The following IFT52 variants were observed in gnomAD, a reference collection of about 807,000 sequenced individuals.
IFT52 encodes intraflagellar transport protein 52 homolog.
Under a neutral mutation model 54.4 loss-of-function variants are expected in IFT52, and 44 were observed. The observed-to-expected ratio is 0.81, with a 90% CI of 0.63 to 1.04. The LOEUF is 1.04. Ranked by LOEUF, IFT52 falls within the 50% of genes least tolerant of loss-of-function variation. IFT52 has a pLI of 0.00. For missense variants in IFT52, 452 were observed against 523.6 expected (o/e 0.86, Z 1.33); for synonymous variants, 181 against 185.3 (o/e 0.98, Z 0.19).
chr20:43,640,896 T>C (rs983474952), intron 12 of IFT52, among the ~76,000 whole-genome samples: 3 of 151,718 alleles, frequency 2.0e-5, no homozygotes, highest in Non-Finnish European at 4.4e-5. Flanking sequence ...CCAGGCGTGG[T>C]GGTACACACC....
At position 43,642,554 on chromosome 20, in the gene IFT52, A is replaced by T; in HGVS notation, c.1196A>T (p.Asp399Val). Reference sequence around the variant, plus strand: ...GGAGTAACCAGTAAACTACCAAAGGACCAACAGGATGCCAAACATATCCTT... The same window carrying T: ...GGAGTAACCAGTAAACTACCAAAGGTCCAACAGGATGCCAAACATATCCTT... ...ILGVTSKLPKDQQDAKHILEH... is the reference protein window; with the variant it reads ...ILGVTSKLPKVQQDAKHILEH... The change falls in exon 13 of 14, where the codon GAC becomes GTC. Residue 399 changes from aspartate (D) to valine (V), a missense_variant. Transcript: ENST00000373030. 1 of 1,614,184 alleles carries T rather than the reference A, an allele frequency of 6.2e-7. No individual in the cohort carries two copies. The highest frequency in any genetic ancestry group is 8.5e-7 in the Non-Finnish European group (1 of 1,180,040).
At chr20:43,619,059 A>T in intron 8 of IFT52, 33 bp downstream of exon 8, 1 of 1,366,474 alleles carries the variant, frequency 7.3e-7, no homozygotes, top group Non-Finnish European at 1.0e-6. Flanking sequence ...TTAATATACA[A>T]TGTGTATTAT....
At chr20:43,603,363 C>G (rs1474433296) in intron 3 of IFT52, among the ~76,000 whole-genome samples, 2 of 152,096 alleles carry the variant, frequency 1.3e-5, no homozygotes, top group Non-Finnish European at 2.9e-5. Flanking sequence ...AGGGGTGATT[C>G]TATTTCTTCT....
At chr20:43,631,076 A>G (rs1335381864) in intron 10 of IFT52, among the ~76,000 whole-genome samples, 1 of 152,148 alleles carries the variant, frequency 6.6e-6, no homozygotes, top group Non-Finnish European at 1.5e-5. Flanking sequence ...ATCACTTTTG[A>G]TTTTGGGGCA....
rs1189252717 is a variant in IFT52 at position 43,647,267 on chromosome 20, G to T, written c.*284G>T. ...TTTTCTCAACCCCAGTTCTGGATTT[G>T]AGTCTTTTATCAAAGACATAATTAA... On this transcript the variant is annotated 3_prime_UTR_variant, in exon 14 of 14. Transcript: ENST00000373030. The T allele has an allele frequency of 4.5e-6, 2 of 440,654 alleles. No individual in the cohort carries two copies. The highest frequency in any genetic ancestry group is 8.0e-6 in the Non-Finnish European group (2 of 248,886). The allele number at this position is 440,654 out of a possible 1,614,324, so 27.3% of individuals were successfully genotyped here.
At chr20:43,625,253 G>A (rs576444561) in intron 10 of IFT52, among the ~76,000 whole-genome samples, 3 of 152,074 alleles carry the variant, frequency 2.0e-5, no homozygotes, top group Non-Finnish European at 4.4e-5. Context: ...GCTCACACCT[G>A]TAATCCTAGC....
intron 10 of IFT52, among the ~76,000 whole-genome samples, chr20:43,628,767 CTT>C (rs1984939432): frequency 1.3e-5 from 2 of 151,984 alleles, no homozygotes; most frequent in Non-Finnish European, 2.9e-5. Context: ...AGAAGAATCT[CTT>C]GAACCTGGGA....
chr20:43,647,040 T>G lies in IFT52; in HGVS notation c.*57T>G. 6.8e-7 allele frequency: 1 copy of G among 1,477,986 alleles called. No individual in the cohort carries two copies. Among genetic ancestry groups the G allele is most frequent in the Non-Finnish European group, 9.5e-7 (1 of 1,056,932 alleles). The allele number at this position is 1,477,986 out of a possible 1,614,324, so 91.6% of individuals were successfully genotyped here. A position where few individuals can be genotyped will look rare whatever the true frequency, so the allele number is the denominator to read the frequency against. On this transcript the variant is annotated 3_prime_UTR_variant, in exon 14 of 14. Coordinates refer to ENST00000373030, the MANE Select transcript of IFT52 (RefSeq NM_016004.5). ...CTGATTCTCTCTTTGTAAACTATTT[T>G]CAAATTGTTTTTCAACTCCTTATCA... is the stretch of plus-strand genomic sequence containing the variant.
chr20:43,637,071 C>T (rs985262140), intron 11 of IFT52, 74 bp from the exon 12 acceptor site: 2 of 1,025,804 alleles, frequency 1.9e-6, no homozygotes, highest in African/African-American at 1.6e-5. Flanking sequence ...TTTGGACAAG[C>T]TCTTTCTTGA....
At chr20:43,625,490 G>A (rs370783730) in intron 10 of IFT52, among the ~76,000 whole-genome samples, 19 of 151,770 alleles carry the variant, frequency 1.3e-4, no homozygotes, top group East Asian at 1.2e-3. Context: ...CCTGGGTGAC[G>A]GGAAGACTCC....
intron 1 of IFT52, among the ~76,000 whole-genome samples, chr20:43,591,275 G>A (rs1981491912): frequency 1.3e-5 from 2 of 152,224 alleles, no homozygotes; most frequent in South Asian, 4.1e-4. Context: ...TAGTCGTTCC[G>A]CTGACTATGA....
chr20:43,608,862 T>G (rs6124583), intron 6 of IFT52, among the ~76,000 whole-genome samples: 1 of 152,098 alleles, frequency 6.6e-6, no homozygotes, highest in African/African-American at 2.4e-5. Context: ...GAGCCGAGAT[T>G]GCGCCGCTGC....
chr20:43,617,518 A>C (rs1251106672), intron 7 of IFT52, among the ~76,000 whole-genome samples: 1 of 149,420 alleles, frequency 6.7e-6, no homozygotes, highest in Non-Finnish European at 1.5e-5. Context: ...ATCTTGCTTC[A>C]CTGCAACCTC....
At chr20:43,629,524 G>A (rs554676611) in intron 10 of IFT52, among the ~76,000 whole-genome samples, 227 of 152,134 alleles carry the variant, frequency 1.5e-3, no homozygotes, top group Non-Finnish European at 2.2e-3. Flanking sequence ...TGCCCGCCTC[G>A]GCCTCCCAAA....
chr20:43,619,070 TTTC>T, intron 8 of IFT52, 44 bp downstream of exon 8: 1 of 1,322,672 alleles, frequency 7.6e-7, no homozygotes, highest in Non-Finnish European at 1.1e-6. Context: ...TGTGTATTAT[TTTC>T]ATGTCATTTA....
chr20:43,618,924 G>C lies in IFT52; in HGVS notation c.613-16G>C. On this transcript the variant is annotated splice_polypyrimidine_tract_variant and intron_variant, in intron 7 of 13. Coordinates refer to ENST00000373030, the MANE Select transcript of IFT52 (RefSeq NM_016004.5). ...CTTTCGGATTTGAGTATCTGACCCTGCTTTGTCATCAATAGAACCAAGGTG... is the reference window on the plus strand; with the variant it reads ...CTTTCGGATTTGAGTATCTGACCCTCCTTTGTCATCAATAGAACCAAGGTG... The C allele has an allele frequency of 6.3e-7, 1 of 1,590,606 alleles. No homozygotes were observed. The highest frequency in any genetic ancestry group is 8.6e-7 in the Non-Finnish European group (1 of 1,159,236).
intron 12 of IFT52, among the ~76,000 whole-genome samples, chr20:43,638,342 C>T (rs531807093): frequency 3.3e-5 from 5 of 152,178 alleles, no homozygotes; most frequent in African/African-American, 7.2e-5. Context: ...AGTTGCCCAC[C>T]GCCACGCATG....
chr20:43,628,873 A>G (rs1448678250), intron 10 of IFT52, among the ~76,000 whole-genome samples: 2 of 152,038 alleles, frequency 1.3e-5, no homozygotes, highest in African/African-American at 2.4e-5. Context: ...AAAATTGCCA[A>G]AGAGATAGTG....
intron 6 of IFT52, among the ~76,000 whole-genome samples, chr20:43,607,235 G>T (rs1296010055): frequency 6.9e-6 from 1 of 144,864 alleles, no homozygotes; most frequent in Non-Finnish European, 1.5e-5. Context: ...CCTCCCTCCC[G>T]GACGGGGCGG....
Sources: gnomAD v4.1 joint callset for allele counts (sites outside exome capture counted in the v4.1 genomes callset) on GRCh38, gnomAD v4.1.1 for gene constraint, MANE v1.5 for transcripts, NCBI Gene and HGNC (gene_info 2026-07-23, HGNC 2026-07-21) for gene names.